The following MLLT1 variants were observed in gnomAD, a reference collection of about 807,000 sequenced individuals.
MLLT1 encodes the protein MLLT1 super elongation complex subunit.
In MLLT1, 11 loss-of-function variants were observed where a neutral mutation model predicts 55.1. The observed-to-expected ratio is 0.20, with a 90% CI of 0.13 to 0.33. The LOEUF (loss-of-function observed/expected upper bound fraction) is 0.33. Ranked by LOEUF, MLLT1 falls within the 10% of genes least tolerant of loss-of-function variation. MLLT1 has a pLI of 1.00. For synonymous variants in MLLT1, 323 were observed against 320.1 expected (o/e 1.01, Z -0.10); for missense variants, 536 against 760.6 (o/e 0.70, Z 3.47).
rs376183972 is a variant in MLLT1, at chr19:6,226,950, C to T, written c.546+27G>A. 72 of 1,540,986 alleles carry T rather than the reference C, an allele frequency of 4.7e-5. No homozygotes were observed. Among genetic ancestry groups the T allele is most frequent in the Non-Finnish European group, 5.9e-5 (67 of 1,145,230 alleles). ...CCACAGCTGGGCCCCGGCGCTCCCACGCGACTGGGCCTTCCGCCTCACTAA... is the reference window on the plus strand; with the variant it reads ...CCACAGCTGGGCCCCGGCGCTCCCATGCGACTGGGCCTTCCGCCTCACTAA... On this transcript the variant is annotated intron_variant, in intron 5 of 11. Coordinates refer to ENST00000252674, the MANE Select transcript of MLLT1 (RefSeq NM_005934.4). This position sits in a 1 kb window ranked among gnomAD's most constrained non-coding sequence, Gnocchi z 6.3.
chr19:6,265,072 A>AAAAAAC (rs2091338569), intron 2 of MLLT1, among the ~76,000 whole-genome samples: 2 of 145,324 alleles, frequency 1.4e-5, no homozygotes, highest in African/African-American at 5.1e-5. Flanking sequence ...AAACAAAAAA[A>AAAAAAC]AACATGATGT....
intron 11 of MLLT1, 58 bp downstream of exon 11, chr19:6,213,279 C>A: frequency 6.2e-7 from 1 of 1,608,912 alleles, no homozygotes; most frequent in Non-Finnish European, 8.5e-7. Flanking sequence ...CCCCCGCAGC[C>A]CACACTCCTC....
In MLLT1 at chr19:6,213,393, G is replaced by A. The variant is rs774557820; in HGVS notation, c.1495C>T (p.Leu499=). 28 of 1,611,576 alleles carry A rather than the reference G, an allele frequency of 1.7e-5. 1 individual carries two copies. In the South Asian group the frequency reaches 2.5e-4, roughly 15 times the overall value. ...ATCAGCCTCCGGTGTAGCTCCACCA[G>A]CTCATCCGTGTAGGCCTGGGGAGGG... ...GTYDKAYTDE[L]VELHRRLMAL... The change falls in exon 11 of 12, where the codon CTG becomes TTG. Residue 499 remains leucine (L), a synonymous_variant. Coordinates refer to ENST00000252674, the MANE Select transcript of MLLT1 (RefSeq NM_005934.4).
chr19:6,253,264 CAAAAAAAAAAAAAAAAA>C (rs71172800), intron 3 of MLLT1, among the ~76,000 whole-genome samples: 15 of 24,552 alleles, frequency 6.1e-4, no homozygotes, highest in African/African-American at 1.2e-3. Flanking sequence ...GACCCCATCT[CAAAAAAAAAAAAAAAAA>C]AAAAAAAAAA....
At chr19:6,216,819 C>T (rs1026073501) in intron 7 of MLLT1, 47 of 378,628 alleles carry the variant, frequency 1.2e-4, no homozygotes, top group Admixed American at 1.8e-4. Context: ...CGGAGGAGAA[C>T]CCCTCCTCTG....
Position 6,212,038 on chromosome 19 carries a change from T to C in MLLT1, c.*1004A>G. 3.8e-6 allele frequency: 4 copies of C among 1,065,666 alleles called. No homozygotes were observed. Among genetic ancestry groups the C allele is most frequent in the Non-Finnish European group, 4.5e-6 (4 of 879,308 alleles). 66.0% of individuals were successfully genotyped at this position (1,065,666 alleles called of 1,614,324 possible). A position where few individuals can be genotyped will look rare whatever the true frequency, so the allele number is the denominator to read the frequency against. On this transcript the variant is annotated 3_prime_UTR_variant, in exon 12 of 12. Transcript: ENST00000252674. ...GCGCCTCAGAAAACTCCATAAACTATCCCGTCTTATTTGGCAAAAGCTCAT... is the reference window on the plus strand; with the variant it reads ...GCGCCTCAGAAAACTCCATAAACTACCCCGTCTTATTTGGCAAAAGCTCAT...
At chr19:6,279,355 G>A (rs1397771063) in intron 1 of MLLT1, among the ~76,000 whole-genome samples, 1 of 152,100 alleles carries the variant, frequency 6.6e-6, no homozygotes, top group Non-Finnish European at 1.5e-5. Context: ...GTCTGAACAG[G>A]GCCCAGATCC....
chr19:6,228,965 G>GCCTCCTCC (rs909880798), intron 4 of MLLT1, among the ~76,000 whole-genome samples: 19 of 152,178 alleles, frequency 1.2e-4, no homozygotes, highest in African/African-American at 4.6e-4. Context: ...CTTGCCCCGC[G>GCCTCCTCC]CCTCCTCCCC....
chr19:6,253,618 T>G (rs764427786), intron 3 of MLLT1, among the ~76,000 whole-genome samples: 1 of 152,098 alleles, frequency 6.6e-6, no homozygotes, highest in African/African-American at 2.4e-5. Context: ...CTAAAAAGAT[T>G]ATATACCATA....
chr19:6,259,852 A>G (rs2091289410), intron 3 of MLLT1: 1 of 151,584 alleles, frequency 6.6e-6, no homozygotes, highest in Admixed American at 6.6e-5. Context: ...AAAAGGGCTC[A>G]ATGAAAGCAC....
At chr19:6,228,942 C>A (rs1049081862) in intron 4 of MLLT1, among the ~76,000 whole-genome samples, 1 of 152,182 alleles carries the variant, frequency 6.6e-6, no homozygotes, top group East Asian at 1.9e-4. Context: ...CCTGACTGGC[C>A]CTTCCTCCCA....
chr19:6,228,056 A>G (rs796334831), intron 4 of MLLT1, among the ~76,000 whole-genome samples: 32 of 152,338 alleles, frequency 2.1e-4, no homozygotes, highest in African/African-American at 7.7e-4. Flanking sequence ...CATTGGCTGA[A>G]AAGAGGCCAT....
chr19:6,225,672 A>C (rs774711291), intron 5 of MLLT1, among the ~76,000 whole-genome samples: 7 of 152,092 alleles, frequency 4.6e-5, no homozygotes, highest in Non-Finnish European at 1.0e-4. Context: ...CAGGCCTCCT[A>C]AGCCTGGTGG....
chr19:6,262,372 G>A lies in MLLT1; in HGVS notation c.194-62C>T. ...CTGCCTGTTTCAGGCCCAGCTGCCA[G>A]CGGCAGTACCGCACCCCTCAACCCC... is the stretch of plus-strand genomic sequence containing the variant. On this transcript the variant is annotated intron_variant, in intron 2 of 11. Transcript: ENST00000252674. This position sits in a 1 kb window ranked among gnomAD's most constrained non-coding sequence, Gnocchi z 4.4. The A allele has an allele frequency of 6.9e-7, 1 of 1,454,652 alleles. No individual in the cohort carries two copies. Among genetic ancestry groups the A allele is most frequent in the Non-Finnish European group, 9.6e-7 (1 of 1,043,650 alleles). The allele number at this position is 1,454,652 out of a possible 1,614,324, so 90.1% of individuals were successfully genotyped here.
At chr19:6,218,688 G>A (rs773224353) in intron 6 of MLLT1, among the ~76,000 whole-genome samples, 2 of 152,216 alleles carry the variant, frequency 1.3e-5, no homozygotes, top group Non-Finnish European at 2.9e-5. Flanking sequence ...CCACAACAAG[G>A]ACACAAGGGG....
rs1378579827 is a variant in MLLT1 at position 6,229,347 on chromosome 19, G to A, written c.420+1223C>T. 6.6e-6 allele frequency among the ~76,000 whole-genome samples: 1 copy of A among 152,022 alleles called. No homozygotes were observed. The highest frequency in any genetic ancestry group is 1.5e-5 in the Non-Finnish European group (1 of 68,004). The stretch of plus-strand genomic sequence containing the variant: ...AAGGATCACAGCAGGACTCACTCAA[G>A]CTTCTACATGGACAGACGCCTCCTT... On this transcript the variant is annotated intron_variant, in intron 4 of 11. Coordinates refer to ENST00000252674, the MANE Select transcript of MLLT1 (RefSeq NM_005934.4). This position sits in a 1 kb window ranked among gnomAD's most constrained non-coding sequence, Gnocchi z 5.2.
intron 1 of MLLT1, among the ~76,000 whole-genome samples, chr19:6,275,019 C>T (rs1468499908): frequency 6.6e-6 from 1 of 152,266 alleles, no homozygotes; most frequent in East Asian, 1.9e-4. Flanking sequence ...CAGGTGTGGG[C>T]TACAGCGGCC....
Position 6,216,478 on chromosome 19 carries a change from C to T in MLLT1, c.1234G>A (p.Glu412Lys). The change falls in exon 8 of 12, where the codon GAG becomes AAG. Residue 412 changes from glutamate (E) to lysine (K), a missense_variant. Glu to Lys is a moderately conservative substitution (Grantham distance 56). Coordinates refer to ENST00000252674, the MANE Select transcript of MLLT1 (RefSeq NM_005934.4). ...GAAGAGTCGTCCTCGTCGGACTCCT[C>T]GGACTGCAGGTCCTCCACCATGGAG... is the stretch of plus-strand genomic sequence containing the variant. ...LRSMVEDLQS[E>K]ESDEDDSSSG... 5 of 1,606,062 alleles carry T rather than the reference C, an allele frequency of 3.1e-6. No individual in the cohort carries two copies. The highest frequency in any genetic ancestry group is 3.4e-6 in the Non-Finnish European group (4 of 1,177,232).
intron 3 of MLLT1, among the ~76,000 whole-genome samples, chr19:6,261,888 G>A (rs558988859): frequency 7.5e-4 from 114 of 152,210 alleles, no homozygotes; most frequent in African/African-American, 2.1e-3. Context: ...CACTACACAC[G>A]GCCCGGTTAT....
Sources: gnomAD v4.1 joint callset for allele counts (sites outside exome capture counted in the v4.1 genomes callset) on GRCh38, gnomAD v4.1.1 for gene constraint, Gnocchi (gnomAD v3.1) non-coding constraint, MANE v1.5 for transcripts, NCBI Gene and HGNC (gene_info 2026-07-23, HGNC 2026-07-21) for gene names.